The following KAZN variants were observed in gnomAD, a reference collection of about 807,000 sequenced individuals.
The protein encoded by KAZN is kazrin, periplakin interacting protein.
KAZN carries 40 observed loss-of-function variants against 87.4 expected under a neutral mutation model. That is an observed-to-expected ratio of 0.46 (90% CI 0.36 to 0.60). The LOEUF (loss-of-function observed/expected upper bound fraction) is 0.60. Ranked by LOEUF, KAZN falls within the 20% of genes least tolerant of loss-of-function variation. KAZN has a pLI of 0.00. For missense variants in KAZN, 898 were observed against 1,073.9 expected, an observed-to-expected ratio of 0.84 and a Z score of 2.29; for synonymous variants, 466 against 458.3, an observed-to-expected ratio of 1.02 and a Z score of -0.22.
At chr1:14,581,988 T>C (rs995261641) in intron 2 of KAZN, among the ~76,000 whole-genome samples, 1 of 152,130 alleles carries the variant, frequency 6.6e-6, no homozygotes, top group Admixed American at 6.5e-5. Context: ...CATGTCTACC[T>C]CGTACCACCC....
At chr1:14,042,700 T>G (rs1208537058) in intron 1 of KAZN, among the ~76,000 whole-genome samples, 1 of 152,192 alleles carries the variant, frequency 6.6e-6, no homozygotes, top group Non-Finnish European at 1.5e-5. Flanking sequence ...TATTTCTTCA[T>G]TTTGCCATCT....
chr1:14,356,750 ATT>A (rs1418214350), intron 2 of KAZN, among the ~76,000 whole-genome samples: 1 of 151,932 alleles, frequency 6.6e-6, no homozygotes, highest in East Asian at 1.9e-4. Flanking sequence ...GTGTGGCGTT[ATT>A]TCTGAGTCCT....
rs759870640 is a variant in KAZN, at chr1:15,104,183, C to G, written c.2042C>G (p.Pro681Arg). Residue 681 changes from proline to arginine, a missense_variant, in exon 13 of 15, where the codon CCA becomes CGA. This residue lies in a region of KAZN where 521 missense variants were observed against 689.4 expected (regional missense o/e 0.76). Coordinates refer to ENST00000376030, the MANE Select transcript of KAZN (RefSeq NM_201628.3). Reference sequence around the variant, plus strand: ...GAGGAGATGAGCGCCGTCTTCCACCCAGCCAAGTGAGCACGGGCTGGGATC... The same window carrying G: ...GAGGAGATGAGCGCCGTCTTCCACCGAGCCAAGTGAGCACGGGCTGGGATC... ...LAEEMSAVFHPANSTGIREAE... is the reference protein window; with the variant it reads ...LAEEMSAVFHRANSTGIREAE... 1 of 1,580,202 alleles carries G rather than the reference C, an allele frequency of 6.3e-7. No individual in the cohort carries two copies. Among genetic ancestry groups the G allele is most frequent in the East Asian group, 2.3e-5 (1 of 42,726 alleles).
At position 13,915,056 on chromosome 1, in the gene KAZN, C is replaced by G. The variant is rs192287706; in HGVS notation, c.91+21300C>G. Among the ~76,000 whole-genome samples the G allele has an allele frequency of 3.0e-4, 45 of 152,274 alleles. No homozygotes were observed. The East Asian group carries it at 8.1e-3, about 27-fold the overall frequency. On this transcript the variant is annotated intron_variant, in intron 1 of 16. Coordinates refer to the KAZN transcript ENST00000636203. ...GCTAAGTTAGTGGTGATTTGTTACACAGTAATAGAAAACATACAGAAATCA... is the reference window on the plus strand; with the variant it reads ...GCTAAGTTAGTGGTGATTTGTTACAGAGTAATAGAAAACATACAGAAATCA...
chr1:15,045,677 A>T (rs1673400074), intron 4 of KAZN, among the ~76,000 whole-genome samples: 1 of 152,214 alleles, frequency 6.6e-6, no homozygotes, highest in Admixed American at 6.5e-5. Context: ...TAATTGACTC[A>T]CAGTTCCGAA....
At chr1:14,192,212 A>T (rs1019808588) in intron 2 of KAZN, among the ~76,000 whole-genome samples, 1 of 152,108 alleles carries the variant, frequency 6.6e-6, no homozygotes, top group Non-Finnish European at 1.5e-5. Flanking sequence ...GAAAATCCCC[A>T]TTTCACTTCA....
At chr1:13,988,228 T>A (rs1435305823) in intron 1 of KAZN, among the ~76,000 whole-genome samples, 1 of 152,142 alleles carries the variant, frequency 6.6e-6, no homozygotes, top group Non-Finnish European at 1.5e-5. Flanking sequence ...ATTTCTTGAA[T>A]AGGTGAGAAA....
chr1:14,416,434 T>G (rs1664765268), intron 2 of KAZN, among the ~76,000 whole-genome samples: 1 of 152,144 alleles, frequency 6.6e-6, no homozygotes, highest in Non-Finnish European at 1.5e-5. Flanking sequence ...GCCTTGATAG[T>G]AATATAAAAA....
intron 1 of KAZN, among the ~76,000 whole-genome samples, chr1:14,828,964 C>T (rs1646976545): frequency 1.3e-5 from 2 of 152,210 alleles, no homozygotes; most frequent in South Asian, 2.1e-4. Flanking sequence ...ACTTAAGTCT[C>T]ACTGGCCAGA....
At chr1:14,693,251 A>T (rs1460737991) in intron 1 of KAZN, among the ~76,000 whole-genome samples, 1 of 152,168 alleles carries the variant, frequency 6.6e-6, no homozygotes, top group Non-Finnish European at 1.5e-5. Flanking sequence ...TTCTTAATAG[A>T]ACCCCTTCTG....
intron 2 of KAZN, among the ~76,000 whole-genome samples, chr1:14,314,254 T>C (rs1326275432): frequency 6.6e-6 from 1 of 152,190 alleles, no homozygotes; most frequent in Non-Finnish European, 1.5e-5. Context: ...GACCTGATCT[T>C]GCAACACCTA....
At chr1:14,191,971 C>G (rs1239711657) in intron 2 of KAZN, among the ~76,000 whole-genome samples, 1 of 152,136 alleles carries the variant, frequency 6.6e-6, no homozygotes, top group African/African-American at 2.4e-5. Context: ...CATTGGCCAC[C>G]AGCATCTTAC....
intron 2 of KAZN, among the ~76,000 whole-genome samples, chr1:14,265,780 C>A (rs1651427344): frequency 6.6e-6 from 1 of 152,188 alleles, no homozygotes; most frequent in South Asian, 2.1e-4. Flanking sequence ...ACTCAGGACT[C>A]CTATTTGCAG....
chr1:14,143,904 G>A (rs181931448), intron 1 of KAZN, among the ~76,000 whole-genome samples: 1 of 152,174 alleles, frequency 6.6e-6, no homozygotes, highest in Non-Finnish European at 1.5e-5. Context: ...TTTGTGCAGA[G>A]GCAGGGTATT....
intron 1 of KAZN, among the ~76,000 whole-genome samples, chr1:14,620,871 C>A (rs1050891612): frequency 6.6e-6 from 1 of 152,162 alleles, no homozygotes; most frequent in African/African-American, 2.4e-5. Context: ...AATCTCCCAG[C>A]GGAGCCTCTT....
At chr1:14,615,913 T>G (rs141881519) in intron 1 of KAZN, among the ~76,000 whole-genome samples, 32 of 152,320 alleles carry the variant, frequency 2.1e-4, no homozygotes, top group African/African-American at 7.5e-4. Context: ...CTTAAAAAAT[T>G]TCTTAAAGGA....
In KAZN at chr1:15,044,303, C is replaced by T. The variant is rs188295027; in HGVS notation, c.726+144C>T. On this transcript the variant is annotated intron_variant, in intron 4 of 14. Transcript: ENST00000376030. ...GAACACAAGCAGGGGGCAGGGCCCGCCGCGGGAGGGGGCTTTCTGCAATGC... is the reference window on the plus strand; with the variant it reads ...GAACACAAGCAGGGGGCAGGGCCCGTCGCGGGAGGGGGCTTTCTGCAATGC... 1.2e-4 allele frequency: 101 copies of T among 835,744 alleles called. No individual in the cohort carries two copies. The Admixed American group carries it at 2.9e-3, about 24-fold the overall frequency. 51.8% of individuals were successfully genotyped at this position (835,744 alleles called of 1,614,324 possible). A position where few individuals can be genotyped will look rare whatever the true frequency, so the allele number is the denominator to read the frequency against.
intron 1 of KAZN, among the ~76,000 whole-genome samples, chr1:14,035,462 C>CTT (rs770587340): frequency 9.6e-4 from 139 of 144,382 alleles, no homozygotes; most frequent in African/African-American, 3.4e-3. Flanking sequence ...TTTTTTTCTT[C>CTT]TTTTTTTTTT....
At chr1:14,393,304 A>G (rs956367247) in intron 2 of KAZN, among the ~76,000 whole-genome samples, 6 of 152,206 alleles carry the variant, frequency 3.9e-5, no homozygotes, top group Admixed American at 3.3e-4. Flanking sequence ...CACTTCTGCA[A>G]AGAACAAAGT....
Sources: allele counts gnomAD v4.1 joint callset (sites outside exome capture counted in the v4.1 genomes callset), GRCh38; gene constraint gnomAD v4.1.1; regional missense constraint gnomAD v4.1.1; transcripts MANE v1.5; gene names NCBI Gene and HGNC (gene_info 2026-07-23, HGNC 2026-07-21).